Variants in MAGI2 observed in about 807,000 individuals in gnomAD.
MAGI2 encodes membrane-associated guanylate kinase, WW and PDZ domain-containing protein 2.
Under a neutral mutation model 133.3 loss-of-function variants are expected in MAGI2, and 35 were observed. The observed-to-expected ratio is 0.26, with a 90% CI of 0.20 to 0.35. MAGI2 has a LOEUF of 0.35. Ranked by LOEUF, MAGI2 falls within the 10% of genes least tolerant of loss-of-function variation. The probability of loss-of-function intolerance (pLI) is 1.00; values close to 1 mark genes in which losing one functional copy is unlikely to be tolerated. For synonymous variants in MAGI2, 729 were observed against 710.6 expected, an observed-to-expected ratio of 1.03 and a Z score of -0.41; for missense variants, 1,636 against 1,863.4, an observed-to-expected ratio of 0.88 and a Z score of 2.25.
At chr7:78,977,212 G>A (rs1804335388) in intron 2 of MAGI2, among the ~76,000 whole-genome samples, 1 of 151,642 alleles carries the variant, frequency 6.6e-6, no homozygotes, top group Non-Finnish European at 1.5e-5. Flanking sequence ...GTAGTAGTCA[G>A]GACAGTGTAA....
chr7:79,158,964 T>C (rs1824083038), intron 1 of MAGI2, among the ~76,000 whole-genome samples: 1 of 152,116 alleles, frequency 6.6e-6, no homozygotes, highest in African/African-American at 2.4e-5. Flanking sequence ...TAAGGTTTTA[T>C]ACCTTTTACC....
At chr7:78,354,320 A>G (rs1791840158) in intron 7 of MAGI2, among the ~76,000 whole-genome samples, 1 of 152,138 alleles carries the variant, frequency 6.6e-6, no homozygotes, top group African/African-American at 2.4e-5. Context: ...ACTTAATTGA[A>G]CTCCAAAAAT....
intron 14 of MAGI2, among the ~76,000 whole-genome samples, chr7:78,173,894 C>T (rs1160107771): frequency 6.6e-6 from 1 of 152,056 alleles, no homozygotes; most frequent in Non-Finnish European, 1.5e-5. Context: ...AAGGCAAGCT[C>T]AATGTTGCTA....
intron 1 of MAGI2, among the ~76,000 whole-genome samples, chr7:79,404,939 G>A (rs114362277): frequency 0.012 from 1,799 of 152,222 alleles, 41 homozygotes; most frequent in African/African-American, 0.041. Context: ...CTTTAGTATG[G>A]TTGGAGACTG....
chr7:79,423,277 A>T (rs1488788411), intron 1 of MAGI2, among the ~76,000 whole-genome samples: 2 of 152,074 alleles, frequency 1.3e-5, no homozygotes, highest in African/African-American at 4.8e-5. Context: ...CTTCAACACC[A>T]CTAGGAATTA....
intron 3 of MAGI2, among the ~76,000 whole-genome samples, chr7:78,533,717 A>G (rs929147325): frequency 1.3e-5 from 2 of 152,238 alleles, no homozygotes; most frequent in Non-Finnish European, 2.9e-5. Context: ...TCATTTTTAC[A>G]TTGATTATAT....
chr7:78,292,374 A>T (rs1194010270), intron 9 of MAGI2, among the ~76,000 whole-genome samples: 1 of 152,188 alleles, frequency 6.6e-6, no homozygotes, highest in Non-Finnish European at 1.5e-5. Flanking sequence ...TCCAACTTAC[A>T]AGGGATGTGA....
At chr7:79,376,036 T>C (rs1843355820) in intron 1 of MAGI2, among the ~76,000 whole-genome samples, 1 of 151,890 alleles carries the variant, frequency 6.6e-6, no homozygotes, top group East Asian at 1.9e-4. Flanking sequence ...AAACCTTTTT[T>C]CATTTTTGGT....
chr7:79,093,010 A>C (rs1253835530), intron 1 of MAGI2, among the ~76,000 whole-genome samples: 1 of 152,230 alleles, frequency 6.6e-6, no homozygotes, highest in African/African-American at 2.4e-5. Flanking sequence ...TAGTTGGCAA[A>C]AGATTATTAT....
chr7:79,341,008 A>C (rs1017543023), intron 1 of MAGI2, among the ~76,000 whole-genome samples: 9 of 152,120 alleles, frequency 5.9e-5, no homozygotes, highest in African/African-American at 1.9e-4. Context: ...TATAAAAATT[A>C]TTTATCAACT....
At chr7:78,046,870 T>C (rs1811489666) in intron 21 of MAGI2, among the ~76,000 whole-genome samples, 1 of 152,240 alleles carries the variant, frequency 6.6e-6, no homozygotes, top group African/African-American at 2.4e-5. Context: ...ATCATAAGTA[T>C]GCGAATAAAA....
At chr7:79,136,015 AAG>A (rs1214926402) in intron 1 of MAGI2, among the ~76,000 whole-genome samples, 6 of 126,330 alleles carry the variant, frequency 4.7e-5, no homozygotes, top group African/African-American at 1.5e-4. Flanking sequence ...GAAAGAAAGA[AAG>A]AAAGAAAGAA....
At chr7:78,126,159 A>T (rs968992390) in intron 19 of MAGI2, among the ~76,000 whole-genome samples, 1 of 151,168 alleles carries the variant, frequency 6.6e-6, no homozygotes, top group African/African-American at 2.4e-5. Flanking sequence ...TACTTCTCTC[A>T]TTCACTGCTA....
intron 21 of MAGI2, among the ~76,000 whole-genome samples, chr7:78,041,626 G>A (rs956621001): frequency 9.8e-5 from 15 of 152,326 alleles, no homozygotes; most frequent in African/African-American, 3.6e-4. Flanking sequence ...AGCGAGACAT[G>A]ATTGCACCAC....
At chr7:79,424,564 G>A (rs564185723) in intron 1 of MAGI2, among the ~76,000 whole-genome samples, 8 of 151,988 alleles carry the variant, frequency 5.3e-5, no homozygotes, top group African/African-American at 1.9e-4. Flanking sequence ...AAGTGCTTTT[G>A]CCACAAAAAA....
At chr7:78,271,163 A>G (rs1794534376) in intron 9 of MAGI2, among the ~76,000 whole-genome samples, 1 of 152,118 alleles carries the variant, frequency 6.6e-6, no homozygotes, top group Non-Finnish European at 1.5e-5. Context: ...GTTTATTGAG[A>G]GTTTTTAGCA....
chr7:79,383,429 A>G (rs1843941425), intron 1 of MAGI2, among the ~76,000 whole-genome samples: 2 of 151,644 alleles, frequency 1.3e-5, no homozygotes, highest in South Asian at 4.1e-4. Context: ...TAATACAGGT[A>G]TAAAATGGGA....
chr7:79,165,908 A>G (rs540303165), intron 1 of MAGI2, among the ~76,000 whole-genome samples: 1 of 152,228 alleles, frequency 6.6e-6, no homozygotes, highest in South Asian at 2.1e-4. Context: ...AGGTAACTAC[A>G]ATCACATCAA....
At chr7:78,920,713 C>T (rs897031506) in intron 2 of MAGI2, among the ~76,000 whole-genome samples, 1 of 152,010 alleles carries the variant, frequency 6.6e-6, no homozygotes, top group Non-Finnish European at 1.5e-5. Context: ...GCAAATCTCA[C>T]CTTAGATAAT....
Sources: allele counts gnomAD v4.1 joint callset (sites outside exome capture counted in the v4.1 genomes callset), GRCh38; gene constraint gnomAD v4.1.1; transcripts MANE v1.5; gene names NCBI Gene and HGNC (gene_info 2026-07-23, HGNC 2026-07-21).